LRRC7: variants seen among roughly 807,000 people sequenced by gnomAD.
LRRC7 encodes leucine rich repeat containing 7, also known as leucine-rich repeat-containing protein 7.
A neutral mutation model predicts 175.7 loss-of-function variants in LRRC7; 23 were observed. That is an observed-to-expected ratio of 0.13 (90% confidence interval 0.09 to 0.19). LRRC7 has a LOEUF of 0.19. Among genes scored for constraint, LRRC7 ranks in the 10% least tolerant of loss-of-function variants. The pLI is 1.00. For missense variants in LRRC7, 1,354 were observed against 1,904.7 expected (o/e 0.71, Z 5.38); for synonymous variants, 685 against 680.9 (o/e 1.01, Z -0.09).
At chr1:69,979,842 A>G (rs1653234083) in intron 8 of LRRC7, among the ~76,000 whole-genome samples, 1 of 151,774 alleles carries the variant, frequency 6.6e-6, no homozygotes, top group South Asian at 2.1e-4. Context: ...CGTTTTTGCC[A>G]TTGAAAGTAA....
Position 70,129,910 on chromosome 1 carries a change from C to G in LRRC7, c.*8023C>G, listed in dbSNP as rs956319341. ...TAGACACATATAAATCCTTACTTTT[C>G]CAAGTATTCGCTGTGTTTTATATTT... On this transcript the variant is annotated 3_prime_UTR_variant, in exon 27 of 27. Transcript: ENST00000651989. Among the ~76,000 whole-genome samples the G allele has an allele frequency of 1.3e-5, 2 of 152,146 alleles. No homozygotes were observed. The highest frequency in any genetic ancestry group is 4.8e-5 in the African/African-American group (2 of 41,414).
chr1:69,760,352 G>A lies in LRRC7; in HGVS notation c.262G>A (p.Glu88Lys), dbSNP rs2100937780. 1 of 1,612,756 alleles carries A rather than the reference G, an allele frequency of 6.2e-7. No homozygotes were observed. The highest frequency in any genetic ancestry group is 8.5e-7 in the Non-Finnish European group (1 of 1,179,186). Residue 88 changes from glutamate (E) to lysine (K), a missense_variant, in exon 3 of 27, where the codon GAG (glutamate) becomes AAG (lysine). Glu to Lys is a moderately conservative substitution (Grantham distance 56). Coordinates refer to ENST00000651989, the MANE Select transcript of LRRC7 (RefSeq NM_001370785.2). ...EVFNFERTLE[E>K]LYLDANQIEE... ...CTTTAACTTCGAACGAACATTAGAG[G>A]AGCTTTATCTAGATGCCAATCAAAT...
rs1553167657 is a variant in LRRC7 at position 69,879,222 on chromosome 1, A to AAC, written c.647+40940_647+40941insCA. Reference sequence around the variant, plus strand: ...AACCTAAAACTGCTTTAAAAAAAAAAAAAAAAAAAAAAAAGACTGCGCACT... The same window carrying AAC: ...AACCTAAAACTGCTTTAAAAAAAAAAACAAAAAAAAAAAAAAGACTGCGCACT... On this transcript the variant is annotated intron_variant, in intron 7 of 26. Transcript: ENST00000651989. Among the ~76,000 whole-genome samples, 406 of 123,522 alleles carry AAC rather than the reference A, an allele frequency of 3.3e-3. 1 individual carries two copies. Among genetic ancestry groups the AAC allele is most frequent in the Non-Finnish European group, 5.9e-3 (336 of 57,224 alleles). The allele number at this position is 123,522 out of a possible 152,430, so 81.0% of individuals were successfully genotyped here.
intron 9 of LRRC7, among the ~76,000 whole-genome samples, 177 bp from the exon 10 acceptor site, chr1:69,986,065 C>T (rs926908350): frequency 6.6e-6 from 1 of 152,170 alleles, no homozygotes; most frequent in Admixed American, 6.5e-5. Context: ...AGTGGCTATA[C>T]CATTTTACAT....
At chr1:69,963,494 A>C (rs1407664296) in intron 8 of LRRC7, among the ~76,000 whole-genome samples, 1 of 152,150 alleles carries the variant, frequency 6.6e-6, no homozygotes, top group East Asian at 1.9e-4. Flanking sequence ...ATGATATGGC[A>C]AAGGCCTAGT....
rs1435633493 is a variant in LRRC7 at position 69,886,710 on chromosome 1, T to C, written c.648-44797T>C. ...ATTAGTTGATGCAGTTTCTTCCTAG[T>C]CTCGATGGTCTTTACATTTTGGCAT... On this transcript the variant is annotated intron_variant, in intron 7 of 26. Coordinates refer to ENST00000651989, the MANE Select transcript of LRRC7 (RefSeq NM_001370785.2). Among the ~76,000 whole-genome samples, 22 of 150,368 alleles carry C rather than the reference T, an allele frequency of 1.5e-4. No homozygotes were observed. The South Asian group carries it at 3.2e-3, about 22-fold the overall frequency.
At chr1:70,012,919 A>G (rs1656643468) in intron 12 of LRRC7, 55 bp from the exon 13 acceptor site, 3 of 867,760 alleles carry the variant, frequency 3.5e-6, no homozygotes, top group Admixed American at 5.6e-5. Flanking sequence ...AAAAATTAAT[A>G]TAAAAATAGT....
At chr1:69,678,525 G>A in intron 2 of LRRC7, 47 bp downstream of exon 2, 4 of 1,328,078 alleles carry the variant, frequency 3.0e-6, no homozygotes, top group Non-Finnish European at 3.2e-6. Flanking sequence ...AGATTTTGGT[G>A]AGTAGCATAG....
intron 7 of LRRC7, among the ~76,000 whole-genome samples, chr1:69,853,275 T>TTTC (rs1683199937): frequency 2.3e-5 from 3 of 132,900 alleles, no homozygotes; most frequent in African/African-American, 5.6e-5. Flanking sequence ...TCTTTCTTTT[T>TTTC]TTTTTTTTTT....
intron 9 of LRRC7, among the ~76,000 whole-genome samples, chr1:69,984,069 G>C (rs772889717): frequency 2.6e-5 from 4 of 151,980 alleles, no homozygotes; most frequent in Non-Finnish European, 5.9e-5. Flanking sequence ...GGTATTACAG[G>C]TGCCCGCCAC....
intron 24 of LRRC7, among the ~76,000 whole-genome samples, chr1:70,077,605 ACT>A (rs564088735): frequency 2.0e-5 from 3 of 152,116 alleles, no homozygotes; most frequent in Non-Finnish European, 2.9e-5. Context: ...TTGAAAACGC[ACT>A]GAGATTAATG....
Position 69,942,787 on chromosome 1 carries a change from C to G in LRRC7, c.711+11217C>G, listed in dbSNP as rs138002702. On this transcript the variant is annotated intron_variant, in intron 8 of 26. Transcript: ENST00000651989. ...CCTAAATTAATCACATCTGTAATTTCTTTTACTATGTAAGGTAACATATTT... is the reference window on the plus strand; with the variant it reads ...CCTAAATTAATCACATCTGTAATTTGTTTTACTATGTAAGGTAACATATTT... Among the ~76,000 whole-genome samples the G allele has an allele frequency of 3.3e-3, 498 of 152,164 alleles. 1 individual carries two copies. The highest frequency in any genetic ancestry group is 0.011 in the African/African-American group (450 of 41,524).
At chr1:69,703,364 G>GT (rs1169778768) in intron 2 of LRRC7, among the ~76,000 whole-genome samples, 1 of 151,804 alleles carries the variant, frequency 6.6e-6, no homozygotes, top group Non-Finnish European at 1.5e-5. Context: ...TAATACTATA[G>GT]TTTTACATTT....
chr1:69,951,162 C>T (rs775784288), intron 8 of LRRC7, among the ~76,000 whole-genome samples: 45 of 150,726 alleles, frequency 3.0e-4, no homozygotes, highest in Non-Finnish European at 5.3e-4. Flanking sequence ...GACATACATG[C>T]GGCCAACAAA....
At chr1:69,588,313 A>G (rs1018142948) in intron 1 of LRRC7, among the ~76,000 whole-genome samples, 1 of 152,178 alleles carries the variant, frequency 6.6e-6, no homozygotes, top group Non-Finnish European at 1.5e-5. Flanking sequence ...AGCTCTTAAC[A>G]TACATTATCT....
intron 10 of LRRC7, among the ~76,000 whole-genome samples, chr1:69,990,922 A>G (rs530702554): frequency 6.6e-6 from 1 of 152,150 alleles, no homozygotes; most frequent in Non-Finnish European, 1.5e-5. Flanking sequence ...CAAAACACAG[A>G]AAGTTTGATT....
At chr1:69,666,473 A>C (rs1434509722) in intron 1 of LRRC7, among the ~76,000 whole-genome samples, 1 of 152,062 alleles carries the variant, frequency 6.6e-6, no homozygotes, top group East Asian at 1.9e-4. Context: ...GAGACTTATT[A>C]TTATGGCTTC....
intron 7 of LRRC7, among the ~76,000 whole-genome samples, chr1:69,910,783 G>C (rs1231756950): frequency 6.6e-6 from 1 of 152,204 alleles, no homozygotes; most frequent in Non-Finnish European, 1.5e-5. Flanking sequence ...TTGTTTGTCT[G>C]TGCCCTGCCC....
chr1:69,964,087 C>T (rs1651413364), intron 8 of LRRC7, among the ~76,000 whole-genome samples: 1 of 152,166 alleles, frequency 6.6e-6, no homozygotes, highest in Admixed American at 6.6e-5. Context: ...TTGAACCTTA[C>T]TCATCATATT....
Sources: allele counts gnomAD v4.1 joint callset (sites outside exome capture counted in the v4.1 genomes callset), GRCh38; gene constraint gnomAD v4.1.1; transcripts MANE v1.5; gene names NCBI Gene and HGNC (gene_info 2026-07-23, HGNC 2026-07-21).